Variants in GALNT1 observed in about 807,000 individuals in gnomAD.
The protein encoded by GALNT1 is GalNAc transferase 1.
GALNT1 carries 17 observed loss-of-function variants against 65.7 expected under a neutral mutation model. The ratio of observed to expected loss-of-function variants is 0.26; its 90% CI spans 0.18 to 0.39. The LOEUF is 0.39. Among genes scored for constraint, GALNT1 ranks in the 10% least tolerant of loss-of-function variants. GALNT1 has a pLI of 1.00. For missense variants in GALNT1, 460 were observed against 672.8 expected, an observed-to-expected ratio of 0.68 and a Z score of 3.50; for synonymous variants, 210 against 219.7, an observed-to-expected ratio of 0.96 and a Z score of 0.39.
At chr18:35,633,212 A>G (rs2047041330) in intron 1 of GALNT1, among the ~76,000 whole-genome samples, 1 of 152,208 alleles carries the variant, frequency 6.6e-6, no homozygotes, top group African/African-American at 2.4e-5. Flanking sequence ...CCAAAGGATT[A>G]TCAATCATGC....
At chr18:35,615,714 T>G (rs1450062941) in intron 1 of GALNT1, among the ~76,000 whole-genome samples, 1 of 152,184 alleles carries the variant, frequency 6.6e-6, no homozygotes, top group Admixed American at 6.6e-5. Flanking sequence ...CATACATACG[T>G]AAGTGTGAAA....
chr18:35,640,404 C>G (rs1180370063), intron 1 of GALNT1, among the ~76,000 whole-genome samples: 1 of 151,752 alleles, frequency 6.6e-6, no homozygotes, highest in Non-Finnish European at 1.5e-5. Flanking sequence ...TTGTGTTAAA[C>G]CTTTAAAAGA....
In GALNT1 at chr18:35,709,834, G is replaced by A. The variant is rs2144791419; in HGVS notation, c.*64G>A. On this transcript the variant is annotated 3_prime_UTR_variant, in exon 12 of 12. Transcript: ENST00000269195. ...CTGGGCTACCTCAGCATACATTTCT[G>A]CCACATTCTTAAGTAGCAAAAAAGG... 1.3e-6 allele frequency: 2 copies of A among 1,580,238 alleles called. No individual in the cohort carries two copies. Among genetic ancestry groups the A allele is most frequent in the East Asian group, 2.3e-5 (1 of 43,686 alleles).
intron 1 of GALNT1, among the ~76,000 whole-genome samples, chr18:35,612,607 T>G (rs1265340212): frequency 5.9e-5 from 9 of 152,236 alleles, no homozygotes; most frequent in Non-Finnish European, 1.3e-4. Flanking sequence ...TGCTCACGCC[T>G]GTAATCCCAG....
In GALNT1 at chr18:35,711,496, A is replaced by G. The variant is rs967842061; in HGVS notation, c.*1726A>G. ...AATGCATAAACCATGTCCCCAGGAA[A>G]TTTGAAAGGAAGCAGGTGCTGAATG... On this transcript the variant is annotated 3_prime_UTR_variant, in exon 12 of 12. Transcript: ENST00000269195. 9 of 152,530 alleles carry G rather than the reference A, an allele frequency of 5.9e-5. No homozygotes were observed. Among genetic ancestry groups the G allele is most frequent in the Non-Finnish European group, 7.3e-5 (5 of 68,046 alleles). The allele number at this position is 152,530 out of a possible 1,614,324, so 9.4% of individuals were successfully genotyped here. A position where few individuals can be genotyped will look rare whatever the true frequency, so the allele number is the denominator to read the frequency against.
intron 1 of GALNT1, among the ~76,000 whole-genome samples, chr18:35,606,625 C>G (rs2046650814): frequency 6.6e-6 from 1 of 152,156 alleles, no homozygotes; most frequent in South Asian, 2.1e-4. Context: ...GTGATACAGT[C>G]AGCATATCAG....
intron 11 of GALNT1, among the ~76,000 whole-genome samples, chr18:35,706,716 T>G (rs2048268163): frequency 6.6e-6 from 1 of 151,984 alleles, no homozygotes; most frequent in African/African-American, 2.4e-5. Flanking sequence ...AATACCTCCC[T>G]CTCCCTGGGC....
chr18:35,642,420 A>T lies in GALNT1; in HGVS notation c.-103-12140A>T, dbSNP rs115587117. Among the ~76,000 whole-genome samples, 1,483 of 152,306 alleles carry T rather than the reference A, an allele frequency of 9.7e-3. 24 individuals are homozygous for T. The highest frequency in any genetic ancestry group is 0.033 in the African/African-American group (1,367 of 41,558). On this transcript the variant is annotated intron_variant, in intron 1 of 11. Transcript: ENST00000269195. ...AAGTATAAATAAGGCATTGTTAAAG[A>T]TACTCGTGAGGTTAAATTATCAGGA...
At chr18:35,620,606 T>C (rs1330004873) in intron 1 of GALNT1, among the ~76,000 whole-genome samples, 2 of 152,206 alleles carry the variant, frequency 1.3e-5, no homozygotes, top group African/African-American at 4.8e-5. Flanking sequence ...CAGTCTGTTT[T>C]ATTTTAATAT....
intron 8 of GALNT1, 86 bp downstream of exon 8, chr18:35,691,278 G>A: frequency 8.2e-7 from 1 of 1,220,630 alleles, no homozygotes; most frequent in Non-Finnish European, 1.1e-6. Flanking sequence ...TAGAAGTGAA[G>A]CTTTGAGCAG....
chr18:35,668,407 A>G (rs1481178385), intron 3 of GALNT1, among the ~76,000 whole-genome samples: 1 of 152,252 alleles, frequency 6.6e-6, no homozygotes, highest in African/African-American at 2.4e-5. Flanking sequence ...AACATCGAGT[A>G]TAGAGGCTCA....
chr18:35,702,168 C>G (rs191233183), intron 9 of GALNT1, among the ~76,000 whole-genome samples: 35 of 152,266 alleles, frequency 2.3e-4, no homozygotes, highest in Admixed American at 1.4e-3. Context: ...AACTTTACCC[C>G]TACTTTATCT....
intron 1 of GALNT1, among the ~76,000 whole-genome samples, chr18:35,615,604 A>G (rs1382709258): frequency 2.0e-5 from 3 of 152,186 alleles, no homozygotes; most frequent in Non-Finnish European, 4.4e-5. Flanking sequence ...TGGAAAGGAG[A>G]GTGTAAAGAC....
chr18:35,674,097 T>C (rs1197339127), intron 3 of GALNT1, among the ~76,000 whole-genome samples: 5 of 152,084 alleles, frequency 3.3e-5, no homozygotes, highest in Non-Finnish European at 7.4e-5. Context: ...AGATGAAAAA[T>C]TGTACACCTG....
intron 4 of GALNT1, 144 bp from the exon 5 acceptor site, chr18:35,683,247 A>G (rs1598804998): frequency 1.1e-5 from 7 of 627,274 alleles, no homozygotes; most frequent in Non-Finnish European, 1.9e-5. Flanking sequence ...GGCTTCCTTT[A>G]GCAGAATGGG....
At chr18:35,643,049 A>C (rs2047185707) in intron 1 of GALNT1, among the ~76,000 whole-genome samples, 1 of 152,072 alleles carries the variant, frequency 6.6e-6, no homozygotes, top group African/African-American at 2.4e-5. Context: ...CAGCCTGGCT[A>C]GGTCATACTG....
chr18:35,645,352 C>T (rs1367493856), intron 1 of GALNT1, among the ~76,000 whole-genome samples: 1 of 151,066 alleles, frequency 6.6e-6, no homozygotes, highest in Non-Finnish European at 1.5e-5. Context: ...GCCTCAGCCT[C>T]CTTCCCAAGT....
chr18:35,683,280 T>A (rs2047813751), intron 4 of GALNT1, 111 bp from the exon 5 acceptor site: 1 of 796,064 alleles, frequency 1.3e-6, no homozygotes, highest in South Asian at 1.8e-5. Context: ...GGAGCCTCAC[T>A]GAGAGTGTTC....
intron 8 of GALNT1, 130 bp from the exon 9 acceptor site, chr18:35,692,051 C>T (rs763553664): frequency 8.7e-6 from 6 of 693,058 alleles, no homozygotes; most frequent in Admixed American, 5.6e-5. Context: ...ATGGTGTCTC[C>T]ACTTGTATAG....
Sources: gnomAD v4.1 joint callset for allele counts (sites outside exome capture counted in the v4.1 genomes callset) on GRCh38, gnomAD v4.1.1 for gene constraint, MANE v1.5 for transcripts, NCBI Gene and HGNC (gene_info 2026-07-23, HGNC 2026-07-21) for gene names.